The following FBN2 variants were observed in gnomAD, a reference collection of about 807,000 sequenced individuals.
The protein encoded by FBN2 is fibrillin 2, also known as fibrillin-2.
Under a neutral mutation model 355.6 loss-of-function variants are expected in FBN2, and 105 were observed. That is an observed-to-expected ratio of 0.30 (90% CI 0.25 to 0.35). FBN2 has a LOEUF of 0.35. Ranked by LOEUF, FBN2 falls within the 10% of genes least tolerant of loss-of-function variation. The pLI, the probability that FBN2 is intolerant of heterozygous loss-of-function variation, is 1.00. For synonymous variants in FBN2, 1,350 were observed against 1,301.2 expected, an observed-to-expected ratio of 1.04 and a Z score of -0.81; for missense variants, 3,280 against 3,758.7, an observed-to-expected ratio of 0.87 and a Z score of 3.33.
intron 55 of FBN2, among the ~76,000 whole-genome samples, chr5:128,284,731 T>C (rs1201535206): frequency 6.6e-6 from 1 of 152,232 alleles, no homozygotes; most frequent in African/African-American, 2.4e-5. Flanking sequence ...TTAGAATCTC[T>C]GATAGTTGCT....
At chr5:128,290,310 G>C (rs1581191423) in intron 50 of FBN2, among the ~76,000 whole-genome samples, 1 of 152,104 alleles carries the variant, frequency 6.6e-6, no homozygotes, top group East Asian at 1.9e-4. Context: ...TGAGGCTATT[G>C]ATCTTTTCCT....
intron 7 of FBN2, among the ~76,000 whole-genome samples, chr5:128,423,266 C>A (rs1753399153): frequency 1.3e-5 from 2 of 152,090 alleles, no homozygotes; most frequent in Non-Finnish European, 1.5e-5. Flanking sequence ...TCTCACACTG[C>A]TAATAAAGAC....
At chr5:128,328,347 T>G in intron 34 of FBN2, 1 of 537,242 alleles carries the variant, frequency 1.9e-6, no homozygotes, top group East Asian at 3.2e-5. Flanking sequence ...CAATAAATAG[T>G]GGTAGTTGAG....
In FBN2 at chr5:128,464,908, G is replaced by A; in HGVS notation, c.642C>T (p.Gly214=). ...GPQCERDYRT[G]PCFTQVNNQM... ...GGTTGTTGACCTGAGTGAAACACGG[G>A]CCTGTCCTGTAATCTGGAATGTGGG... Residue 214 remains glycine (G), a synonymous_variant, in exon 6 of 65, where the codon GGC becomes GGT. Transcript: ENST00000262464. The A allele has an allele frequency of 6.2e-7, 1 of 1,614,198 alleles. No individual in the cohort carries two copies. Among genetic ancestry groups the A allele is most frequent in the Non-Finnish European group, 8.5e-7 (1 of 1,180,008 alleles).
At chr5:128,334,419 G>C (rs1026785889) in intron 31 of FBN2, among the ~76,000 whole-genome samples, 2 of 152,140 alleles carry the variant, frequency 1.3e-5, no homozygotes, top group African/African-American at 4.8e-5. Context: ...TACTCAGAAA[G>C]TGACTGATGC....
chr5:128,510,186 G>A (rs1756076146), intron 5 of FBN2, among the ~76,000 whole-genome samples: 1 of 151,970 alleles, frequency 6.6e-6, no homozygotes, highest in African/African-American at 2.4e-5. Flanking sequence ...GATTTCCCTG[G>A]GCCACACTGG....
At chr5:128,372,918 C>A (rs184281166) in intron 15 of FBN2, among the ~76,000 whole-genome samples, 1 of 152,200 alleles carries the variant, frequency 6.6e-6, no homozygotes. Context: ...TGAGCCACTG[C>A]GCCAGGCCTC....
chr5:128,268,680 A>T (rs1765182545), intron 62 of FBN2, among the ~76,000 whole-genome samples: 1 of 152,250 alleles, frequency 6.6e-6, no homozygotes, highest in African/African-American at 2.4e-5. Flanking sequence ...ATCCACCATG[A>T]TAAAGTCGGC....
At chr5:128,451,379 C>A (rs1483631177) in intron 6 of FBN2, among the ~76,000 whole-genome samples, 1 of 151,794 alleles carries the variant, frequency 6.6e-6, no homozygotes, top group African/African-American at 2.4e-5. Context: ...CATTTTAAAC[C>A]TCATTATTAT....
chr5:128,531,039 G>A (rs369703124), intron 2 of FBN2, among the ~76,000 whole-genome samples: 3 of 152,002 alleles, frequency 2.0e-5, no homozygotes, highest in African/African-American at 4.8e-5. Context: ...GTCATTATTC[G>A]AAAAAGATAC....
At chr5:128,407,833 A>G (rs554005846) in intron 8 of FBN2, among the ~76,000 whole-genome samples, 60 of 152,294 alleles carry the variant, frequency 3.9e-4, no homozygotes, top group African/African-American at 1.4e-3. Flanking sequence ...ACCTACAGAG[A>G]TCCTGGCAGT....
intron 20 of FBN2, among the ~76,000 whole-genome samples, chr5:128,353,350 A>G (rs1755405233): frequency 6.6e-6 from 1 of 152,196 alleles, no homozygotes; most frequent in Admixed American, 6.5e-5. Context: ...GGTTGAAACA[A>G]AACAATTCTC....
chr5:128,314,097 A>G (rs1421984831), intron 36 of FBN2, among the ~76,000 whole-genome samples: 1 of 152,042 alleles, frequency 6.6e-6, no homozygotes, highest in Non-Finnish European at 1.5e-5. Context: ...AGGTCAGGCA[A>G]CCTCCAATGG....
chr5:128,294,235 C>G (rs1749430244), intron 48 of FBN2, among the ~76,000 whole-genome samples: 4 of 151,862 alleles, frequency 2.6e-5, no homozygotes, highest in Admixed American at 1.3e-4. Flanking sequence ...TCCAGTCTAT[C>G]ATTGTTGGAC....
At chr5:128,492,515 A>G (rs566168827) in intron 5 of FBN2, among the ~76,000 whole-genome samples, 1 of 152,274 alleles carries the variant, frequency 6.6e-6, no homozygotes, top group South Asian at 2.1e-4. Flanking sequence ...AAAATATAGA[A>G]ATACTGGCTG....
At chr5:128,453,800 C>T (rs983606050) in intron 6 of FBN2, among the ~76,000 whole-genome samples, 11 of 152,090 alleles carry the variant, frequency 7.2e-5, no homozygotes, top group Admixed American at 6.6e-4. Context: ...AGTTTGTCAC[C>T]AAACTCCTCC....
chr5:128,368,433 TAC>T (rs201535383), intron 16 of FBN2, among the ~76,000 whole-genome samples: 38 of 135,204 alleles, frequency 2.8e-4, no homozygotes, highest in African/African-American at 5.2e-4. Context: ...TATATATATA[TAC>T]ACATATATAC....
intron 20 of FBN2, among the ~76,000 whole-genome samples, chr5:128,352,363 T>C (rs1401679339): frequency 2.0e-5 from 3 of 152,194 alleles, no homozygotes; most frequent in African/African-American, 7.2e-5. Context: ...TTAGACTGAC[T>C]CCACATCAAA....
At position 128,263,636 on chromosome 5, in the gene FBN2, G is replaced by A. The variant is rs2126795744; in HGVS notation, c.7981C>T (p.Pro2661Ser). ...QCVDENECSN[P>S]NACGSASCYN... The stretch of plus-strand genomic sequence containing the variant: ...CAGGAAGCAGAGCCACAGGCATTGG[G>A]ATTGGAGCATTCATTCTCATCTAGT... The change falls in exon 63 of 65, where the codon CCC becomes TCC. Residue 2661 changes from proline to serine, a missense_variant. Around this residue, in one of 6 missense-constraint regions of FBN2, gnomAD observed 311 missense variants for 319.1 expected, o/e 0.97. Transcript: ENST00000262464. 2 of 1,613,788 alleles carry A rather than the reference G, an allele frequency of 1.2e-6. No homozygotes were observed. The highest frequency in any genetic ancestry group is 1.1e-5 in the South Asian group (1 of 91,080).
Sources: allele counts gnomAD v4.1 joint callset (sites outside exome capture counted in the v4.1 genomes callset), GRCh38; gene constraint gnomAD v4.1.1; regional missense constraint gnomAD v4.1.1; transcripts MANE v1.5; gene names NCBI Gene and HGNC (gene_info 2026-07-23, HGNC 2026-07-21).